Variants in MDGA2 observed in about 807,000 individuals in gnomAD.
MDGA2 encodes MAM domain containing glycosylphosphatidylinositol anchor 2.
A neutral mutation model predicts 117.8 loss-of-function variants in MDGA2; 40 were observed. The ratio of observed to expected loss-of-function variants is 0.34; its 90% CI spans 0.26 to 0.44. The LOEUF (loss-of-function observed/expected upper bound fraction) is 0.44. MDGA2 is among the 20% of genes least tolerant of loss of function. MDGA2 has a pLI of 1.00. For missense variants in MDGA2, 1,123 were observed against 1,250.6 expected, an observed-to-expected ratio of 0.90 and a Z score of 1.54; for synonymous variants, 452 against 439.0, an observed-to-expected ratio of 1.03 and a Z score of -0.37.
At chr14:47,042,312 GTTTTTTT>G (rs748830079) in intron 7 of MDGA2, among the ~76,000 whole-genome samples, 17 of 130,016 alleles carry the variant, frequency 1.3e-4, no homozygotes, top group East Asian at 1.1e-3. Flanking sequence ...CCAAATCTAT[GTTTTTTT>G]TTTTTTTTTG....
chr14:47,313,452 CTTTTG>C (rs55738625), intron 1 of MDGA2, among the ~76,000 whole-genome samples: 2 of 151,606 alleles, frequency 1.3e-5, no homozygotes, highest in Non-Finnish European at 2.9e-5. Context: ...TCTTCTTCCT[CTTTTG>C]TTTTGTTTTG....
intron 1 of MDGA2, among the ~76,000 whole-genome samples, chr14:47,340,541 T>C (rs772405054): frequency 1.8e-4 from 27 of 152,142 alleles, no homozygotes; most frequent in Non-Finnish European, 2.9e-4. Flanking sequence ...TCCAGATGGG[T>C]CTCTGATACT....
chr14:47,038,131 C>G (rs1173150330), intron 7 of MDGA2, among the ~76,000 whole-genome samples: 1 of 152,110 alleles, frequency 6.6e-6, no homozygotes, highest in East Asian at 1.9e-4. Context: ...AGGGTTTCAC[C>G]ATGTTGACCA....
chr14:47,523,368 C>T (rs1376956376), intron 1 of MDGA2, among the ~76,000 whole-genome samples: 7 of 151,936 alleles, frequency 4.6e-5, no homozygotes. Flanking sequence ...TTGATATTGA[C>T]CCTGAATTAT....
At position 47,338,624 on chromosome 14, in the gene MDGA2, C is replaced by T. The variant is rs545378280; in HGVS notation, c.281-37074G>A. On this transcript the variant is annotated intron_variant, in intron 1 of 16. Transcript: ENST00000399232. Reference sequence around the variant, plus strand: ...GGTGAAGAGTGGTAGCCATTTTAGTCAATCCGTCAAGTTAAGAATTCTGCA... The same window carrying T: ...GGTGAAGAGTGGTAGCCATTTTAGTTAATCCGTCAAGTTAAGAATTCTGCA... 7.9e-5 allele frequency among the ~76,000 whole-genome samples: 12 copies of T among 152,088 alleles called. No homozygotes were observed. In the South Asian group the frequency reaches 2.5e-3, roughly 32 times the overall value.
At chr14:47,351,091 T>G (rs1004842047) in intron 1 of MDGA2, among the ~76,000 whole-genome samples, 36 of 150,626 alleles carry the variant, frequency 2.4e-4, no homozygotes, top group Admixed American at 1.3e-4. Flanking sequence ...TTTTTTTTTT[T>G]TTTTGAAACG....
chr14:47,072,106 G>GT (rs1890309165), intron 6 of MDGA2, among the ~76,000 whole-genome samples: 2 of 137,216 alleles, frequency 1.5e-5, no homozygotes, highest in South Asian at 2.5e-4. Flanking sequence ...TTGTTTGGGG[G>GT]GGGGGGGGTT....
chr14:47,572,888 A>C (rs1453752415), intron 1 of MDGA2, among the ~76,000 whole-genome samples: 1 of 152,132 alleles, frequency 6.6e-6, no homozygotes, highest in Non-Finnish European at 1.5e-5. Context: ...TATGAAACAA[A>C]TTTACCCGAC....
At chr14:47,228,494 G>A (rs1250015159) in intron 2 of MDGA2, among the ~76,000 whole-genome samples, 2 of 151,998 alleles carry the variant, frequency 1.3e-5, no homozygotes, top group South Asian at 4.1e-4. Flanking sequence ...TATAAAATAG[G>A]CTTTGTGTTA....
chr14:47,483,177 C>A (rs943066894), intron 1 of MDGA2, among the ~76,000 whole-genome samples: 2 of 152,004 alleles, frequency 1.3e-5, no homozygotes, highest in Non-Finnish European at 2.9e-5. Flanking sequence ...CTTTTCTTTT[C>A]CACAATTCCA....
chr14:46,919,725 C>G (rs1258382575), intron 10 of MDGA2, among the ~76,000 whole-genome samples: 1 of 152,094 alleles, frequency 6.6e-6, no homozygotes, highest in Middle Eastern at 3.2e-3. Context: ...TAATTTATCT[C>G]TCTTATCTAG....
chr14:47,200,425 G>T (rs1420368676), intron 3 of MDGA2: 2 of 396,452 alleles, frequency 5.0e-6, no homozygotes, highest in Non-Finnish European at 8.8e-6. Context: ...TTCACTGGAG[G>T]CAATCAAGAG....
intron 1 of MDGA2, among the ~76,000 whole-genome samples, chr14:47,522,449 C>T (rs1302402438): frequency 6.6e-6 from 1 of 152,006 alleles, no homozygotes; most frequent in Admixed American, 6.6e-5. Flanking sequence ...ACTGCCTTCT[C>T]TTTCTGCTTT....
At chr14:47,005,290 G>C (rs573377417) in intron 8 of MDGA2, among the ~76,000 whole-genome samples, 1 of 151,410 alleles carries the variant, frequency 6.6e-6, no homozygotes, top group Non-Finnish European at 1.5e-5. Context: ...TTATCTAAGA[G>C]GTTTTTGTTG....
intron 1 of MDGA2, among the ~76,000 whole-genome samples, chr14:47,550,636 T>C (rs901473954): frequency 6.6e-6 from 1 of 152,184 alleles, no homozygotes; most frequent in Non-Finnish European, 1.5e-5. Flanking sequence ...ACTGTTTTTT[T>C]TTTCACTTTT....
chr14:47,349,157 T>G (rs550286384), intron 1 of MDGA2, among the ~76,000 whole-genome samples: 7 of 152,230 alleles, frequency 4.6e-5, no homozygotes, highest in Non-Finnish European at 8.8e-5. Flanking sequence ...CTACTTGAAG[T>G]GATGAACGAA....
chr14:47,621,807 C>A (rs764439379), intron 1 of MDGA2, among the ~76,000 whole-genome samples: 1 of 152,162 alleles, frequency 6.6e-6, no homozygotes, highest in Non-Finnish European at 1.5e-5. Flanking sequence ...AGACACAGAG[C>A]AGAATCCCAG....
intron 1 of MDGA2, among the ~76,000 whole-genome samples, chr14:47,577,354 C>A (rs1025596528): frequency 2.8e-4 from 43 of 152,104 alleles, no homozygotes; most frequent in African/African-American, 1.0e-3. Context: ...AAAACCTAGG[C>A]AATAGCATTC....
intron 1 of MDGA2, among the ~76,000 whole-genome samples, chr14:47,356,490 T>C (rs1890996411): frequency 6.6e-6 from 1 of 152,208 alleles, no homozygotes; most frequent in Admixed American, 6.5e-5. Flanking sequence ...AGAGATAATC[T>C]GTCTGAATGT....
Sources: gnomAD v4.1 joint callset for allele counts (sites outside exome capture counted in the v4.1 genomes callset) on GRCh38, gnomAD v4.1.1 for gene constraint, MANE v1.5 for transcripts, NCBI Gene and HGNC (gene_info 2026-07-23, HGNC 2026-07-21) for gene names.